Variants in PCDHA7 observed in about 807,000 individuals in gnomAD.
PCDHA7 encodes protocadherin alpha-7.
PCDHA7 carries 37 observed loss-of-function variants against 57.2 expected under a neutral mutation model. The ratio of observed to expected loss-of-function variants is 0.65; its 90% CI spans 0.50 to 0.85. The LOEUF is 0.85. PCDHA7 is among the 40% of genes least tolerant of loss of function. The pLI is 0.00. For missense variants in PCDHA7, 1,188 were observed against 1,241.8 expected (o/e 0.96, Z 0.65); for synonymous variants, 553 against 558.8 (o/e 0.99, Z 0.15).
At chr5:140,851,005 T>C in intron 1 of PCDHA7, 1 of 1,432,862 alleles carries the variant, frequency 7.0e-7, no homozygotes, top group Non-Finnish European at 9.2e-7. Flanking sequence ...ATCCAGCAGA[T>C]TTTTTTTCTG....
chr5:140,841,770 C>G (rs148555729), intron 1 of PCDHA7: 4 of 1,613,798 alleles, frequency 2.5e-6, no homozygotes, highest in African/African-American at 1.3e-5. Flanking sequence ...ATGCCAGACT[C>G]TCGGTTTCCG....
At chr5:140,938,536 G>T (rs1443736475) in intron 1 of PCDHA7, among the ~76,000 whole-genome samples, 2 of 140,060 alleles carry the variant, frequency 1.4e-5, no homozygotes, top group Non-Finnish European at 3.2e-5. Context: ...TGGATAATAT[G>T]GATTTTTATC....
chr5:141,002,689 T>C (rs2098092113), intron 3 of PCDHA7, among the ~76,000 whole-genome samples: 1 of 152,186 alleles, frequency 6.6e-6, no homozygotes, highest in African/African-American at 2.4e-5. Context: ...GACGTGCAGA[T>C]TTGTTTAACT....
At chr5:140,862,800 G>T (rs782261222) in intron 1 of PCDHA7, 1 of 575,550 alleles carries the variant, frequency 1.7e-6, no homozygotes, top group African/African-American at 2.0e-5. Flanking sequence ...AGGAGCTGGA[G>T]CTGCTGCAGT....
intron 1 of PCDHA7, chr5:140,884,459 G>A (rs530412188): frequency 8.1e-6 from 13 of 1,613,636 alleles, no homozygotes; most frequent in Non-Finnish European, 1.0e-5. Flanking sequence ...CACCGAGGGC[G>A]CGTGCGCGCC....
intron 1 of PCDHA7, chr5:140,863,342 T>G: frequency 7.5e-7 from 1 of 1,338,916 alleles, no homozygotes; most frequent in Non-Finnish European, 1.0e-6. Flanking sequence ...ACGTTGCTGC[T>G]GTACACGACG....
chr5:140,928,602 G>A (rs927910920), intron 1 of PCDHA7: 26 of 1,614,058 alleles, frequency 1.6e-5, no homozygotes, highest in Non-Finnish European at 2.2e-5. Context: ...TGGAAATTGT[G>A]CCCCGCTCTG....
chr5:140,940,164 A>G (rs2092564000), intron 1 of PCDHA7, among the ~76,000 whole-genome samples: 1 of 152,170 alleles, frequency 6.6e-6, no homozygotes, highest in Non-Finnish European at 1.5e-5. Context: ...TTTGCCTGAA[A>G]TGTCATTCTT....
At chr5:140,870,554 A>C (rs1554164402) in intron 1 of PCDHA7, 1 of 1,614,044 alleles carries the variant, frequency 6.2e-7, no homozygotes, top group African/African-American at 1.3e-5. Context: ...GCGGACGCGC[A>C]GGAGAACGCG....
Position 140,836,174 on chromosome 5 carries a change from T to A in PCDHA7, c.1791T>A (p.Val597=). ...ATGTGGTGGCGAAGGTACGTGCAGT[T>A]GACGCTGACTCAGGCTACAACGCGT... ...AGHVVAKVRA[V]DADSGYNAWL... Residue 597 remains valine (V), a synonymous_variant, in exon 1 of 4, where the codon GTT becomes GTA. Coordinates refer to ENST00000525929, the MANE Select transcript of PCDHA7 (RefSeq NM_018910.3). 3 of 1,613,798 alleles carry A rather than the reference T, an allele frequency of 1.9e-6. No homozygotes were observed. Among genetic ancestry groups the A allele is most frequent in the Non-Finnish European group, 2.5e-6 (3 of 1,179,788 alleles).
rs113613111 is a variant in PCDHA7, at chr5:140,862,633, G to A, written c.2355+25895G>A. The A allele has an allele frequency of 2.9e-3, 1,533 of 537,306 alleles. 20 individuals are homozygous for A. The highest frequency in any genetic ancestry group is 0.024 in the African/African-American group (1,268 of 52,230). 33.3% of individuals were successfully genotyped at this position (537,306 alleles called of 1,614,324 possible). Reference sequence around the variant, plus strand: ...AGGTAACAACCCGCGGGGCTGCCACGACTTCACAGTGTCCGCGCGGGACCG... The same window carrying A: ...AGGTAACAACCCGCGGGGCTGCCACAACTTCACAGTGTCCGCGCGGGACCG... On this transcript the variant is annotated intron_variant, in intron 1 of 3. Transcript: ENST00000525929.
intron 1 of PCDHA7, among the ~76,000 whole-genome samples, chr5:140,909,322 T>A (rs1554193738): frequency 6.6e-6 from 1 of 152,236 alleles, no homozygotes. Context: ...ATTTGCCAAA[T>A]CAATGGTTGC....
At chr5:140,976,929 A>G (rs1289479026) in intron 1 of PCDHA7, among the ~76,000 whole-genome samples, 2 of 152,234 alleles carry the variant, frequency 1.3e-5, no homozygotes, top group South Asian at 2.1e-4. Flanking sequence ...AGTACTGTGT[A>G]GCTACTTAAA....
intron 1 of PCDHA7, chr5:140,884,564 A>C: frequency 6.2e-7 from 1 of 1,614,118 alleles, no homozygotes; most frequent in Non-Finnish European, 8.5e-7. Flanking sequence ...GGGCCCGCAT[A>C]AGACGGACCT....
intron 1 of PCDHA7, chr5:140,863,153 A>T (rs1554157836): frequency 1.6e-6 from 1 of 625,716 alleles, no homozygotes; most frequent in South Asian, 1.4e-5. Flanking sequence ...GTGAAGGACC[A>T]CTGCGAGCTG....
rs185971380 is a variant in PCDHA7, at chr5:140,858,398, G to T, written c.2355+21660G>T. On this transcript the variant is annotated intron_variant, in intron 1 of 3. Transcript: ENST00000525929. ...ACCATGCCCAATGGTAGATGTGGAC[G>T]GGGAAGATCAGTCTATTGGAGGGGA... The T allele has an allele frequency of 3.4e-5, 54 of 1,574,020 alleles. No homozygotes were observed. In the East Asian group the frequency reaches 1.1e-3, roughly 32 times the overall value.
Position 140,851,830 on chromosome 5 carries a change from T to A in PCDHA7, c.2355+15092T>A, listed in dbSNP as rs565233003. The A allele has an allele frequency of 1.6e-4, 153 of 967,896 alleles. 10 individuals carry two copies. In the African/African-American group the frequency reaches 2.0e-3, roughly 13 times the overall value. 60.0% of individuals were successfully genotyped at this position (967,896 alleles called of 1,614,324 possible). On this transcript the variant is annotated intron_variant, in intron 1 of 3. Transcript: ENST00000525929. ...TCCATAAGACAGAAATCTGTTTTTT[T>A]AAAAATATCTTTTTCTCCTCTCAGC...
chr5:140,883,946 G>A, intron 1 of PCDHA7: 5 of 1,613,392 alleles, frequency 3.1e-6, no homozygotes, highest in Middle Eastern at 1.7e-4. Context: ...GGACGAGAAC[G>A]ACAACGCTCC....
intron 1 of PCDHA7, among the ~76,000 whole-genome samples, chr5:140,925,953 C>T (rs1438087673): frequency 1.3e-5 from 2 of 152,090 alleles, no homozygotes; most frequent in Non-Finnish European, 2.9e-5. Context: ...GAAGGAGAAA[C>T]TGCTATCACG....
Sources: allele counts gnomAD v4.1 joint callset (sites outside exome capture counted in the v4.1 genomes callset), GRCh38; gene constraint gnomAD v4.1.1; transcripts MANE v1.5; gene names NCBI Gene and HGNC (gene_info 2026-07-23, HGNC 2026-07-21).